The following ADAMTSL1 variants were observed in gnomAD, a reference collection of about 807,000 sequenced individuals.
ADAMTSL1 encodes ADAMTS-like protein 1.
ADAMTSL1 carries 126 observed loss-of-function variants against 201.8 expected under a neutral mutation model. The ratio of observed to expected loss-of-function variants is 0.62; its 90% CI spans 0.54 to 0.72. The LOEUF is 0.72. Among genes scored for constraint, ADAMTSL1 ranks in the 30% least tolerant of loss-of-function variants. The pLI, the probability that ADAMTSL1 is intolerant of heterozygous loss-of-function variation, is 0.00. For synonymous variants in ADAMTSL1, 1,121 were observed against 903.4 expected, an observed-to-expected ratio of 1.24 and a Z score of -4.32; for missense variants, 2,679 against 2,277.8, an observed-to-expected ratio of 1.18 and a Z score of -3.59.
chr9:18,859,429 G>A (rs528711469), intron 23 of ADAMTSL1, among the ~76,000 whole-genome samples: 13 of 152,262 alleles, frequency 8.5e-5, no homozygotes, highest in African/African-American at 2.9e-4. Context: ...CCCCATCTCA[G>A]TATTCTTTCT....
chr9:18,684,665 C>A (rs777865263), intron 12 of ADAMTSL1, 51 bp from the exon 13 acceptor site: 13 of 1,557,040 alleles, frequency 8.3e-6, no homozygotes, highest in Admixed American at 1.9e-5. Context: ...TCCTAAAATC[C>A]CAGATTGGTT....
chr9:18,107,707 A>G (rs1322536880), intron 1 of ADAMTSL1, among the ~76,000 whole-genome samples: 1 of 152,228 alleles, frequency 6.6e-6, no homozygotes, highest in Non-Finnish European at 1.5e-5. Context: ...CTTGAAGTCC[A>G]GACTGTGTTT....
chr9:18,890,728 C>A, intron 25 of ADAMTSL1: 1 of 362,642 alleles, frequency 2.8e-6, no homozygotes, highest in South Asian at 2.1e-5. Flanking sequence ...CAAACCCCCC[C>A]CACCCCAGCT....
At chr9:18,165,227 T>C (rs1051493317) in intron 2 of ADAMTSL1, among the ~76,000 whole-genome samples, 3 of 151,962 alleles carry the variant, frequency 2.0e-5, no homozygotes, top group Non-Finnish European at 2.9e-5. Context: ...TTATGCGAAA[T>C]CTGAAATATT....
At chr9:18,151,281 C>T (rs149881365) in intron 1 of ADAMTSL1, among the ~76,000 whole-genome samples, 2 of 152,090 alleles carry the variant, frequency 1.3e-5, no homozygotes, top group East Asian at 3.9e-4. Flanking sequence ...TAAATGTCAC[C>T]ACCAATTGCT....
chr9:18,523,298 T>G (rs539256999), intron 2 of ADAMTSL1, among the ~76,000 whole-genome samples: 148 of 152,328 alleles, frequency 9.7e-4, no homozygotes, highest in African/African-American at 3.4e-3. Context: ...TTTTGTTTTT[T>G]TCTTGTAAAT....
chr9:18,558,517 A>G (rs973577206), intron 3 of ADAMTSL1, among the ~76,000 whole-genome samples: 3 of 152,198 alleles, frequency 2.0e-5, no homozygotes, highest in African/African-American at 7.2e-5. Flanking sequence ...TCCTTTGGGT[A>G]TATACCAAGT....
In ADAMTSL1 at chr9:18,391,814, T is replaced by C. The variant is rs1011788573; in HGVS notation, c.208-113015T>C. Among the ~76,000 whole-genome samples the C allele has an allele frequency of 4.4e-5, 6 of 137,430 alleles. No homozygotes were observed. In the Admixed American group the frequency reaches 5.3e-4, roughly 12 times the overall value. 90.2% of individuals were successfully genotyped at this position (137,430 alleles called of 152,430 possible). A position where few individuals can be genotyped will look rare whatever the true frequency, so the allele number is the denominator to read the frequency against. On this transcript the variant is annotated intron_variant, in intron 2 of 29. Transcript: ENST00000680146. ...TCCTGAATCAACTACTTTTTTTCTT[T>C]CTTTTCTTTCTTTTTTTTTTTTTTT...
intron 1 of ADAMTSL1, among the ~76,000 whole-genome samples, chr9:17,946,154 G>A (rs1340024075): frequency 6.7e-6 from 1 of 148,886 alleles, no homozygotes; most frequent in African/African-American, 2.5e-5. Context: ...TGACCACCAT[G>A]CCCAGCTATT....
chr9:18,579,768 C>G (rs1050760354), intron 4 of ADAMTSL1, among the ~76,000 whole-genome samples: 1 of 152,112 alleles, frequency 6.6e-6, no homozygotes, highest in African/African-American at 2.4e-5. Context: ...TGAATTGCAT[C>G]CTGTACAGAG....
chr9:18,401,414 C>G (rs1057035849), intron 2 of ADAMTSL1, among the ~76,000 whole-genome samples: 1 of 152,224 alleles, frequency 6.6e-6, no homozygotes, highest in Non-Finnish European at 1.5e-5. Flanking sequence ...AGCTTAATCT[C>G]TCACTGTTTA....
At position 18,887,990 on chromosome 9, in the gene ADAMTSL1, T is replaced by G. The variant is rs374316357; in HGVS notation, c.4409T>G (p.Leu1470Arg). 12 of 1,613,832 alleles carry G rather than the reference T, an allele frequency of 7.4e-6. No homozygotes were observed. Among genetic ancestry groups the G allele is most frequent in the Non-Finnish European group, 8.5e-6 (10 of 1,179,884 alleles). Residue 1470 changes from leucine to arginine, a missense_variant, in exon 24 of 29, where the codon CTT (leucine) becomes CGT (arginine). Coordinates refer to ENST00000380548, the MANE Select transcript of ADAMTSL1 (RefSeq NM_001040272.6). Reference sequence around the variant, plus strand: ...GGGTCTCAAGGGGAATTCAGCTGCCTTGCTCAGAATGAGGCAGGGGTGCTC... The same window carrying G: ...GGGTCTCAAGGGGAATTCAGCTGCCGTGCTCAGAATGAGGCAGGGGTGCTC... Reference protein sequence around the residue: ...SGGSQGEFSCLAQNEAGVLMQ... With the variant: ...SGGSQGEFSCRAQNEAGVLMQ...
At chr9:18,260,105 T>A (rs551686939) in intron 2 of ADAMTSL1, among the ~76,000 whole-genome samples, 1 of 152,346 alleles carries the variant, frequency 6.6e-6, no homozygotes, top group East Asian at 1.9e-4. Context: ...CTATTATGTA[T>A]TGTTTATCCT....
chr9:18,892,271 G>C, intron 25 of ADAMTSL1, 118 bp from the exon 26 acceptor site: 1 of 971,768 alleles, frequency 1.0e-6, no homozygotes, highest in African/African-American at 1.7e-5. Context: ...AGTAAATACT[G>C]TAAAAAGGGC....
intron 2 of ADAMTSL1, among the ~76,000 whole-genome samples, chr9:18,222,749 A>G (rs1389771566): frequency 1.4e-5 from 2 of 148,006 alleles, no homozygotes; most frequent in South Asian, 4.2e-4. Flanking sequence ...TTTATTATGT[A>G]TAGAAAACTC....
chr9:18,239,514 G>C (rs556075695), intron 2 of ADAMTSL1, among the ~76,000 whole-genome samples: 1 of 152,056 alleles, frequency 6.6e-6, no homozygotes, highest in South Asian at 2.1e-4. Flanking sequence ...CGAGGCAAGT[G>C]GATCACTTGA....
At chr9:18,282,009 C>G (rs1832809495) in intron 2 of ADAMTSL1, among the ~76,000 whole-genome samples, 1 of 152,078 alleles carries the variant, frequency 6.6e-6, no homozygotes, top group Non-Finnish European at 1.5e-5. Flanking sequence ...ATTTTCCTCA[C>G]CTGGGTATAT....
chr9:18,043,593 T>C (rs921792239), intron 1 of ADAMTSL1, among the ~76,000 whole-genome samples: 61 of 152,014 alleles, frequency 4.0e-4, no homozygotes, highest in African/African-American at 1.4e-3. Flanking sequence ...CCTGTGCTTA[T>C]GGAGACGGGT....
rs372327256 is a variant in ADAMTSL1, at chr9:18,071,805, T to C, written c.88-92057T>C. On this transcript the variant is annotated intron_variant, in intron 1 of 29. Coordinates refer to the ADAMTSL1 transcript ENST00000680146. ...ATTTGATGCGTTGTGTGTTCCAGGA[T>C]GACTCAATCTGGGGAGCTTGGAAGT... 4.6e-5 allele frequency among the ~76,000 whole-genome samples: 7 copies of C among 152,312 alleles called. No individual in the cohort carries two copies. The East Asian group carries it at 1.2e-3, about 25-fold the overall frequency.
Sources: allele counts gnomAD v4.1 joint callset (sites outside exome capture counted in the v4.1 genomes callset), GRCh38; gene constraint gnomAD v4.1.1; transcripts MANE v1.5; gene names NCBI Gene and HGNC (gene_info 2026-07-23, HGNC 2026-07-21).